Variants in FAM13C observed in about 807,000 individuals in gnomAD.
FAM13C encodes the protein protein FAM13C.
Under a neutral mutation model 73.2 loss-of-function variants are expected in FAM13C, and 37 were observed. The observed-to-expected ratio is 0.51, with a 90% CI of 0.39 to 0.67. The LOEUF is 0.67. Ranked by LOEUF, FAM13C falls within the 30% of genes least tolerant of loss-of-function variation. The pLI, the probability that FAM13C is intolerant of heterozygous loss-of-function variation, is 0.00. For synonymous variants in FAM13C, 246 were observed against 260.9 expected, an observed-to-expected ratio of 0.94 and a Z score of 0.55; for missense variants, 589 against 715.6, an observed-to-expected ratio of 0.82 and a Z score of 2.02.
At chr10:59,315,580 G>A (rs918695771) in intron 4 of FAM13C, among the ~76,000 whole-genome samples, 4 of 152,266 alleles carry the variant, frequency 2.6e-5, no homozygotes, top group African/African-American at 9.6e-5. Flanking sequence ...AGCCAAAGGT[G>A]TCAGAGTCCC....
intron 2 of FAM13C, among the ~76,000 whole-genome samples, chr10:59,355,261 C>T (rs1332342257): frequency 6.6e-6 from 1 of 152,080 alleles, no homozygotes; most frequent in Admixed American, 6.5e-5. Flanking sequence ...TGGCTCCTTG[C>T]CCACAAAATT....
intron 4 of FAM13C, 89 bp from the exon 5 acceptor site, chr10:59,302,953 C>A: frequency 8.4e-7 from 1 of 1,192,196 alleles, no homozygotes; most frequent in South Asian, 1.3e-5. Context: ...TCTGGCTGTA[C>A]CCCTGATAAA....
intron 3 of FAM13C, among the ~76,000 whole-genome samples, chr10:59,335,487 C>T (rs965241784): frequency 6.6e-6 from 1 of 152,150 alleles, no homozygotes; most frequent in Admixed American, 6.5e-5. Flanking sequence ...AATAGATACC[C>T]CATGTCTCTA....
At chr10:59,265,335 G>GGGGGGGGAA (rs78422182) in intron 8 of FAM13C, among the ~76,000 whole-genome samples, 1 of 16,060 alleles carries the variant, frequency 6.2e-5, no homozygotes. Context: ...GGGGGGGGGG[G>GGGGGGGGAA]AATCCTGGTT....
intron 12 of FAM13C, among the ~76,000 whole-genome samples, chr10:59,252,413 G>A (rs1366259927): frequency 1.3e-5 from 2 of 152,070 alleles, no homozygotes; most frequent in Non-Finnish European, 1.5e-5. Flanking sequence ...TTCTCTGACA[G>A]ACACTTCTGT....
intron 3 of FAM13C, among the ~76,000 whole-genome samples, chr10:59,347,655 C>T (rs1854488443): frequency 6.6e-6 from 1 of 152,044 alleles, no homozygotes; most frequent in Non-Finnish European, 1.5e-5. Flanking sequence ...TTAGGTATTT[C>T]TCCTAATGTT....
At chr10:59,272,673 C>T (rs575666631) in intron 6 of FAM13C, among the ~76,000 whole-genome samples, 4 of 152,268 alleles carry the variant, frequency 2.6e-5, no homozygotes, top group African/African-American at 9.6e-5. Context: ...TTTGGTGTGC[C>T]TATACTTTCT....
At chr10:59,336,663 A>C (rs939267684) in intron 3 of FAM13C, among the ~76,000 whole-genome samples, 1 of 152,222 alleles carries the variant, frequency 6.6e-6, no homozygotes, top group East Asian at 1.9e-4. Context: ...TCTCCCTCCA[A>C]TGGGAAATTC....
chr10:59,251,059 T>C (rs1044966712), intron 13 of FAM13C: 3 of 155,800 alleles, frequency 1.9e-5, no homozygotes, highest in African/African-American at 7.2e-5. Context: ...AGAGGACAGA[T>C]GATACAGCTA....
chr10:59,275,695 G>A (rs990977927), intron 6 of FAM13C, among the ~76,000 whole-genome samples: 6 of 152,136 alleles, frequency 3.9e-5, no homozygotes, highest in African/African-American at 1.4e-4. Flanking sequence ...TCAGAGGCTT[G>A]GGCTTTGTCT....
chr10:59,324,300 C>A (rs1398619329), intron 3 of FAM13C, among the ~76,000 whole-genome samples, 194 bp from the exon 4 acceptor site: 1 of 151,810 alleles, frequency 6.6e-6, no homozygotes, highest in African/African-American at 2.4e-5. Flanking sequence ...TGCAAGATTA[C>A]AGAATAAAGA....
chr10:59,250,800 A>C (rs1841298409), intron 13 of FAM13C, among the ~76,000 whole-genome samples: 1 of 152,170 alleles, frequency 6.6e-6, no homozygotes, highest in Non-Finnish European at 1.5e-5. Flanking sequence ...TACACTCTTC[A>C]TTTATTTATT....
intron 6 of FAM13C, among the ~76,000 whole-genome samples, chr10:59,274,249 T>C (rs1414295117): frequency 1.3e-5 from 2 of 152,264 alleles, no homozygotes; most frequent in Non-Finnish European, 2.9e-5. Context: ...GTTTTAGGTA[T>C]GTCACATTTG....
At chr10:59,275,602 C>A (rs553149552) in intron 6 of FAM13C, among the ~76,000 whole-genome samples, 97 of 152,212 alleles carry the variant, frequency 6.4e-4, no homozygotes, top group Admixed American at 1.0e-3. Flanking sequence ...TTTTTGTAAA[C>A]CTAAAACTGT....
chr10:59,337,773 G>A (rs73299263), intron 3 of FAM13C, among the ~76,000 whole-genome samples: 23,626 of 139,570 alleles, frequency 0.17, 2,113 homozygotes, highest in East Asian at 0.36. Flanking sequence ...TCCACCTCCC[G>A]GGTTCAAGCA....
intron 3 of FAM13C, among the ~76,000 whole-genome samples, chr10:59,331,486 T>G (rs1191497691): frequency 6.6e-6 from 1 of 152,100 alleles, no homozygotes; most frequent in African/African-American, 2.4e-5. Context: ...AGAAGCCAGA[T>G]CATGTGAAAC....
intron 13 of FAM13C, 107 bp from the exon 14 acceptor site, chr10:59,247,844 G>C (rs1380833845): frequency 1.9e-6 from 2 of 1,062,636 alleles, no homozygotes; most frequent in East Asian, 5.3e-5. Context: ...CCTCCACTTG[G>C]TTTTTGCATC....
At chr10:59,311,138 A>G (rs1232922000) in intron 4 of FAM13C, among the ~76,000 whole-genome samples, 3 of 152,182 alleles carry the variant, frequency 2.0e-5, no homozygotes, top group Non-Finnish European at 4.4e-5. Context: ...CTGTCCTGGA[A>G]AAGGTACCAC....
rs537950088 is a variant in FAM13C at position 59,333,595 on chromosome 10, G to C, written c.325-9489C>G. On this transcript the variant is annotated intron_variant, in intron 3 of 13. Coordinates refer to ENST00000618804, the MANE Select transcript of FAM13C (RefSeq NM_198215.4). ...TTATTCCTTTTTTGGGGGCTGAGAA[G>C]GCAAACAGCCTGTTGATACGGAATC... Among the ~76,000 whole-genome samples the C allele has an allele frequency of 9.8e-5, 15 of 152,326 alleles. No homozygotes were observed. The South Asian group carries it at 3.1e-3, about 32-fold the overall frequency.
Sources: allele counts gnomAD v4.1 joint callset (sites outside exome capture counted in the v4.1 genomes callset), GRCh38; gene constraint gnomAD v4.1.1; transcripts MANE v1.5; gene names NCBI Gene and HGNC (gene_info 2026-07-23, HGNC 2026-07-21).